PRR14L: variants seen among roughly 807,000 people sequenced by gnomAD.
PRR14L encodes the protein protein PRR14L.
PRR14L carries 80 observed loss-of-function variants against 155.0 expected under a neutral mutation model. That is an observed-to-expected ratio of 0.52 (90% confidence interval 0.43 to 0.62). PRR14L has a LOEUF of 0.62. PRR14L is among the 20% of genes least tolerant of loss of function. The probability of loss-of-function intolerance (pLI) is 0.00; values close to 1 mark genes in which losing one functional copy is unlikely to be tolerated. For missense variants in PRR14L, 2,469 were observed against 2,548.0 expected, an observed-to-expected ratio of 0.97 and a Z score of 0.67; for synonymous variants, 883 against 916.0, an observed-to-expected ratio of 0.96 and a Z score of 0.65.
chr22:31,703,546 T>C lies in PRR14L; in HGVS notation c.6000+4A>G. 6.2e-7 allele frequency: 1 copy of C among 1,612,338 alleles called. No homozygotes were observed. The highest frequency in any genetic ancestry group is 8.5e-7 in the Non-Finnish European group (1 of 1,179,236). ...ATCTGACCCAACCAGCACTTTACAC[T>C]TACCTCTTTCTGTTCTGGGGGGCTG... On this transcript the variant is annotated splice_donor_region_variant and intron_variant, in intron 6 of 8. Transcript: ENST00000327423.
chr22:31,710,779 T>C (rs186921961), intron 4 of PRR14L, among the ~76,000 whole-genome samples: 13 of 152,206 alleles, frequency 8.5e-5, no homozygotes, highest in Admixed American at 5.2e-4. Flanking sequence ...TTGAGATGAG[T>C]AGTTTAACTC....
chr22:31,725,193 G>A (rs1045666980), intron 3 of PRR14L, among the ~76,000 whole-genome samples: 2 of 152,042 alleles, frequency 1.3e-5, no homozygotes, highest in African/African-American at 2.4e-5. Flanking sequence ...CCAGGAGTTC[G>A]AGACCAGCCT....
intron 2 of PRR14L, among the ~76,000 whole-genome samples, chr22:31,733,934 A>AAC (rs148181629): frequency 1.3e-5 from 2 of 150,290 alleles, no homozygotes; most frequent in African/African-American, 2.4e-5. Context: ...ACACCACACA[A>AAC]ACACACACAC....
intron 4 of PRR14L, among the ~76,000 whole-genome samples, chr22:31,709,501 C>A (rs2074609280): frequency 6.8e-6 from 1 of 146,634 alleles, no homozygotes; most frequent in African/African-American, 2.5e-5. Context: ...TGGGATTACA[C>A]ACGTGAGCTA....
Position 31,715,044 on chromosome 22 carries a change from G to T in PRR14L, c.2795C>A (p.Thr932Asn). 6 of 1,551,656 alleles carry T rather than the reference G, an allele frequency of 3.9e-6. No homozygotes were observed. The highest frequency in any genetic ancestry group is 8.7e-7 in the Non-Finnish European group (1 of 1,146,792). Residue 932 changes from threonine to asparagine, a missense_variant, in exon 4 of 9, where the codon ACT becomes AAT. Thr to Asn is a moderately conservative substitution (Grantham distance 65). Around this residue, in one of 2 missense-constraint regions of PRR14L, gnomAD observed 2,363 missense variants for 2,371.6 expected, o/e 1.00. Transcript: ENST00000327423. The stretch of plus-strand genomic sequence containing the variant: ...TTTTTCAGGACCTGGAATGTTTACA[G>T]TCTGGTTTAGTTCTTGTATAGCATG... ...SDHAIQELNQ[T>N]VNIPGPEKVL...
intron 2 of PRR14L, among the ~76,000 whole-genome samples, chr22:31,730,459 AAG>A (rs1306611295): frequency 3.3e-5 from 5 of 152,138 alleles, no homozygotes; most frequent in African/African-American, 1.2e-4. Context: ...AGAAAAAAAA[AAG>A]AATACCACAG....
rs947987864 is a variant in PRR14L at position 31,682,266 on chromosome 22, G to C, written c.*3261C>G. Reference sequence around the variant, plus strand: ...GGACCTCAGGTTGGCTCTGGAGCCCGTGCCAAAGACCCTTTCAGGCAAAAT... The same window carrying C: ...GGACCTCAGGTTGGCTCTGGAGCCCCTGCCAAAGACCCTTTCAGGCAAAAT... On this transcript the variant is annotated 3_prime_UTR_variant, in exon 9 of 9. Coordinates refer to ENST00000327423, the MANE Select transcript of PRR14L (RefSeq NM_173566.3). 1 of 152,172 alleles carries C rather than the reference G, an allele frequency of 6.6e-6. No individual in the cohort carries two copies. The highest frequency in any genetic ancestry group is 2.4e-5 in the African/African-American group (1 of 41,418). The allele number at this position is 152,172 out of a possible 1,614,324, so 9.4% of individuals were successfully genotyped here.
At chr22:31,733,285 G>T (rs1377025768) in intron 2 of PRR14L, among the ~76,000 whole-genome samples, 1 of 144,960 alleles carries the variant, frequency 6.9e-6, no homozygotes, top group Admixed American at 7.1e-5. Flanking sequence ...GTGAGCCACC[G>T]CGCCTGGCCA....
chr22:31,727,653 C>T (rs1278138520), intron 2 of PRR14L, among the ~76,000 whole-genome samples: 1 of 152,092 alleles, frequency 6.6e-6, no homozygotes. Flanking sequence ...GGAGACTCTA[C>T]AAGGTTTGTG....
At position 31,738,486 on chromosome 22, in the gene PRR14L, T is replaced by C. The variant is rs2074795068; in HGVS notation, c.375A>G (p.Pro125=). 1.3e-6 allele frequency: 2 copies of C among 1,552,038 alleles called. No homozygotes were observed. The highest frequency in any genetic ancestry group is 1.7e-6 in the Non-Finnish European group (2 of 1,147,092). ...ESMEPKVFRD[P]GGQAGIIREP... is the part of the protein sequence containing the mutation. ...CTCTTATAATTCCTGCCTGGCCCCC[T>C]GGATCTCTGAAGACCTTTGGCTCCA... Residue 125 remains proline (P), a synonymous_variant, in exon 2 of 9, where the codon CCA becomes CCG. Transcript: ENST00000327423.
At chr22:31,742,367 C>CTTT (rs66721130) in intron 1 of PRR14L, among the ~76,000 whole-genome samples, 1 of 143,106 alleles carries the variant, frequency 7.0e-6, no homozygotes, top group Non-Finnish European at 1.5e-5. Context: ...AAAACTCTTC[C>CTTT]TTTTTTTTTT....
chr22:31,747,815 A>C (rs2074847978), intron 1 of PRR14L, among the ~76,000 whole-genome samples: 1 of 151,680 alleles, frequency 6.6e-6, no homozygotes, highest in Non-Finnish European at 1.5e-5. Flanking sequence ...CACCAAAAAA[A>C]AAAAAAAACA....
chr22:31,704,622 C>T (rs748694338), intron 5 of PRR14L, 33 bp downstream of exon 5: 59 of 1,577,964 alleles, frequency 3.7e-5, no homozygotes, highest in Non-Finnish European at 4.8e-5. Flanking sequence ...CACACGCACA[C>T]GCGCACACAC....
chr22:31,722,677 C>T (rs1331744794), intron 3 of PRR14L, among the ~76,000 whole-genome samples: 1 of 151,934 alleles, frequency 6.6e-6, no homozygotes, highest in African/African-American at 2.4e-5. Flanking sequence ...CGCCCGCCAC[C>T]ATGCCTGGCT....
Position 31,738,774 on chromosome 22 carries a change from T to C in PRR14L, c.87A>G (p.Pro29=), listed in dbSNP as rs1374681069. ...CATGAAGCTCTCTGGAGACACTTAC[T>C]GGGAGTTCAGAGTATAATTCCTGTA... is the stretch of plus-strand genomic sequence containing the variant. The part of the protein sequence containing the change: ...AVVQELYSEL[P]VSVSRELHAD... The change falls in exon 2 of 9, where the codon CCA becomes CCG. Residue 29 remains proline, a synonymous_variant. Transcript: ENST00000327423. 6.4e-6 allele frequency: 10 copies of C among 1,551,876 alleles called. No individual in the cohort carries two copies. The highest frequency in any genetic ancestry group is 2.4e-5 in the East Asian group (1 of 40,922).
chr22:31,739,656 G>A lies in PRR14L; in HGVS notation c.-51-745C>T, dbSNP rs142060150. Among the ~76,000 whole-genome samples, 176 of 152,274 alleles carry A rather than the reference G, an allele frequency of 1.2e-3. 2 individuals carry two copies. The highest frequency in any genetic ancestry group is 3.4e-3 in the Middle Eastern group (1 of 294). On this transcript the variant is annotated intron_variant, in intron 1 of 8. Coordinates refer to ENST00000327423, the MANE Select transcript of PRR14L (RefSeq NM_173566.3). ...TAGATCCTAACACCACACCTGAGGA[G>A]GTTAAATATGACCTGCCTAAAATAT...
At chr22:31,707,095 C>CT (rs1192894470) in intron 4 of PRR14L, among the ~76,000 whole-genome samples, 1 of 151,974 alleles carries the variant, frequency 6.6e-6, no homozygotes, top group African/African-American at 2.4e-5. Context: ...CTTCTAAACT[C>CT]TAAGCCCAGG....
At position 31,716,302 on chromosome 22, in the gene PRR14L, A is replaced by G; in HGVS notation, c.1537T>C (p.Ser513Pro). The change falls in exon 4 of 9, where the codon TCC (serine) becomes CCC (proline). Residue 513 changes from serine to proline, a missense_variant. Ser to Pro is a moderately conservative substitution (Grantham distance 74). Coordinates refer to ENST00000327423, the MANE Select transcript of PRR14L (RefSeq NM_173566.3). ...PGGHSEESSF[S>P]SLMQIEEAGQ... is the part of the protein sequence containing the mutation. ...GCCTCTTCAATCTGCATCAAGGAGG[A>G]AAAACTGCTTTCTTCAGAGTGTCCA... 1 of 1,551,708 alleles carries G rather than the reference A, an allele frequency of 6.4e-7. No homozygotes were observed. The highest frequency in any genetic ancestry group is 8.7e-7 in the Non-Finnish European group (1 of 1,146,980).
intron 1 of PRR14L, 83 bp from the exon 2 acceptor site, chr22:31,738,994 C>T (rs1054844314): frequency 1.0e-5 from 6 of 601,182 alleles, no homozygotes; most frequent in South Asian, 2.6e-5. Context: ...CCGGCTACAA[C>T]GAAGAAAATA....
Sources: allele counts gnomAD v4.1 joint callset (sites outside exome capture counted in the v4.1 genomes callset), GRCh38; gene constraint gnomAD v4.1.1; regional missense constraint gnomAD v4.1.1; transcripts MANE v1.5; gene names NCBI Gene and HGNC (gene_info 2026-07-23, HGNC 2026-07-21).